The following PPARGC1A variants were observed in gnomAD, a reference collection of about 807,000 sequenced individuals.
The protein encoded by PPARGC1A is peroxisome proliferator-activated receptor gamma coactivator 1-alpha.
A neutral mutation model predicts 88.7 loss-of-function variants in PPARGC1A; 25 were observed. The observed-to-expected ratio is 0.28, with a 90% CI of 0.21 to 0.39. PPARGC1A has a LOEUF of 0.39. PPARGC1A is among the 10% of genes least tolerant of loss of function. The pLI is 1.00. For missense variants in PPARGC1A, 880 were observed against 968.7 expected, an observed-to-expected ratio of 0.91 and a Z score of 1.22; for synonymous variants, 363 against 355.6, an observed-to-expected ratio of 1.02 and a Z score of -0.24.
the PPARGC1A span, among the ~76,000 whole-genome samples, chr4:24,096,956 C>T: frequency 6.6e-6 from 1 of 152,124 alleles, no homozygotes; most frequent in Non-Finnish European, 1.5e-5. Context: ...AAGCCAGGCA[C>T]AGTGACTCAC....
intron 2 of PPARGC1A, among the ~76,000 whole-genome samples, chr4:23,870,278 G>A (rs569548823): frequency 4.9e-4 from 75 of 152,254 alleles, no homozygotes; most frequent in Admixed American, 1.4e-3. Flanking sequence ...AAAGATTTCC[G>A]AATCACGTAT....
the PPARGC1A span, among the ~76,000 whole-genome samples, chr4:24,442,134 C>CA: frequency 4.6e-5 from 7 of 150,582 alleles, no homozygotes; most frequent in African/African-American, 1.5e-4. Context: ...CTTTAGAGTT[C>CA]AAAAAAAAGT....
the PPARGC1A span, among the ~76,000 whole-genome samples, chr4:24,281,511 G>A: frequency 6.6e-6 from 1 of 152,086 alleles, no homozygotes. Context: ...GCAGAGAGAG[G>A]GCATTAATCT....
At chr4:24,142,542 C>T in the PPARGC1A span, among the ~76,000 whole-genome samples, 10 of 152,118 alleles carry the variant, frequency 6.6e-5, 1 homozygote, top group East Asian at 7.7e-4. Context: ...GGTGTCATGG[C>T]GGGTGCCTGT....
intron 1 of PPARGC1A, among the ~76,000 whole-genome samples, chr4:23,885,479 C>G (rs1716713389): frequency 2.6e-5 from 4 of 152,166 alleles, no homozygotes. Context: ...ATGCAAAGCC[C>G]TTTGACTCAT....
At chr4:23,874,039 C>T (rs1714156887) in intron 2 of PPARGC1A, among the ~76,000 whole-genome samples, 2 of 152,080 alleles carry the variant, frequency 1.3e-5, no homozygotes, top group Admixed American at 1.3e-4. Context: ...GGAAATGCTA[C>T]CTCCTCACTT....
chr4:24,338,841 C>A, the PPARGC1A span, among the ~76,000 whole-genome samples: 1 of 151,982 alleles, frequency 6.6e-6, no homozygotes, highest in Non-Finnish European at 1.5e-5. Context: ...ATGTTAGCCT[C>A]CCTTCCATAA....
At chr4:24,054,472 C>T in the PPARGC1A span, among the ~76,000 whole-genome samples, 2 of 152,102 alleles carry the variant, frequency 1.3e-5, no homozygotes, top group African/African-American at 4.8e-5. Context: ...TATGCATGTC[C>T]ATTTAGGGTT....
intron 2 of PPARGC1A, among the ~76,000 whole-genome samples, chr4:23,835,565 T>C (rs577601151): frequency 3.3e-5 from 5 of 151,724 alleles, no homozygotes; most frequent in South Asian, 2.1e-4. Flanking sequence ...AGGGCTGTAA[T>C]GATTATTTAC....
rs1411206539 is a variant in PPARGC1A, at chr4:23,850,885, C to T, written c.235-19134G>A. On this transcript the variant is annotated intron_variant, in intron 2 of 12. Transcript: ENST00000264867. ...TTCAGTGACCCTAACTTATCCAGAA[C>T]ATTTTTCAGGGCAGAATTCAAAACT... 5.3e-5 allele frequency among the ~76,000 whole-genome samples: 8 copies of T among 152,252 alleles called. No homozygotes were observed. The South Asian group carries it at 6.2e-4, about 12-fold the overall frequency.
At chr4:23,829,702 CATTTT>C in intron 3 of PPARGC1A, 117 bp from the exon 4 acceptor site, 1 of 1,020,410 alleles carries the variant, frequency 9.8e-7, no homozygotes, top group Non-Finnish European at 1.3e-6. Context: ...TTAATTCTAT[CATTTT>C]ATTTATGTCA....
At chr4:23,914,276 T>A in the PPARGC1A span, among the ~76,000 whole-genome samples, 2 of 152,254 alleles carry the variant, frequency 1.3e-5, no homozygotes, top group Admixed American at 6.5e-5. Flanking sequence ...GAATCTGGTA[T>A]GTGTTAATAT....
intron 10 of PPARGC1A, among the ~76,000 whole-genome samples, chr4:23,812,076 CCTGG>C (rs1207177064): frequency 6.6e-6 from 1 of 151,504 alleles, no homozygotes; most frequent in Non-Finnish European, 1.5e-5. Context: ...CACCACCACG[CCTGG>C]CTAATTTTTG....
chr4:23,814,189 A>C lies in PPARGC1A; in HGVS notation c.1294T>G (p.Cys432Gly). Residue 432 changes from cysteine to glycine, a missense_variant, in exon 8 of 13, where the codon TGC becomes GGC. Cys to Gly is a radical substitution (Grantham distance 159, BLOSUM62 -3). Coordinates refer to ENST00000264867, the MANE Select transcript of PPARGC1A (RefSeq NM_013261.5). ...QICSSTDSDQ[C>G]YLRETLEASK... ...GCCTCCAAAGTCTCTCTCAGGTAGC[A>C]CTGGTCTGAATCTGTGGAAGAACAA... is the stretch of plus-strand genomic sequence containing the variant. 1 of 1,614,116 alleles carries C rather than the reference A, an allele frequency of 6.2e-7. No homozygotes were observed. Among genetic ancestry groups the C allele is most frequent in the Non-Finnish European group, 8.5e-7 (1 of 1,180,004 alleles).
At chr4:23,917,400 A>G in the PPARGC1A span, among the ~76,000 whole-genome samples, 1 of 146,068 alleles carries the variant, frequency 6.8e-6, no homozygotes, top group East Asian at 2.0e-4. Flanking sequence ...TTTGAGACAG[A>G]GTCCTGCTCT....
At chr4:24,070,427 C>G in the PPARGC1A span, among the ~76,000 whole-genome samples, 1 of 152,174 alleles carries the variant, frequency 6.6e-6, no homozygotes. Flanking sequence ...CCATCTTTGT[C>G]TCATCCACTA....
At chr4:24,225,285 T>G in the PPARGC1A span, among the ~76,000 whole-genome samples, 1 of 152,080 alleles carries the variant, frequency 6.6e-6, no homozygotes, top group Non-Finnish European at 1.5e-5. Context: ...AAAGAGTGAC[T>G]AGGGCTGGGC....
the PPARGC1A span, among the ~76,000 whole-genome samples, chr4:24,208,743 T>C: frequency 4.0e-5 from 6 of 150,278 alleles, no homozygotes; most frequent in Admixed American, 6.6e-5. Context: ...GTATAATTCA[T>C]CCAGTGCTTA....
chr4:23,802,478 T>TTGAG, intron 10 of PPARGC1A, 133 bp from the exon 11 acceptor site: 1 of 1,111,014 alleles, frequency 9.0e-7, no homozygotes, highest in Non-Finnish European at 1.3e-6. Flanking sequence ...AGGAGTTCAA[T>TTGAG]ACCAGCCTGG....
Sources: allele counts gnomAD v4.1 joint callset (sites outside exome capture counted in the v4.1 genomes callset), GRCh38; gene constraint gnomAD v4.1.1; transcripts MANE v1.5; gene names NCBI Gene and HGNC (gene_info 2026-07-23, HGNC 2026-07-21).